DGLUCY: variants seen among roughly 807,000 people sequenced by gnomAD.
DGLUCY encodes the protein D-glutamate cyclase, mitochondrial.
A neutral mutation model predicts 58.5 loss-of-function variants in DGLUCY; 58 were observed. That is an observed-to-expected ratio of 0.99 (90% CI 0.80 to 1.23). DGLUCY has a LOEUF of 1.23. Ranked by LOEUF, DGLUCY falls within the 50% of genes most tolerant of loss-of-function variation. DGLUCY has a pLI of 0.00. For synonymous variants in DGLUCY, 325 were observed against 314.1 expected (o/e 1.03, Z -0.37); for missense variants, 779 against 784.7 (o/e 0.99, Z 0.09).
At chr14:91,083,426 G>A (rs2044159906) in intron 1 of DGLUCY, among the ~76,000 whole-genome samples, 1 of 151,816 alleles carries the variant, frequency 6.6e-6, no homozygotes, top group Non-Finnish European at 1.5e-5. Context: ...GGAGGCTGAG[G>A]TGGGAGAATT....
Position 91,092,114 on chromosome 14 carries a change from T to G in DGLUCY, c.-82+31410T>G, listed in dbSNP as rs145023600. Among the ~76,000 whole-genome samples the G allele has an allele frequency of 2.1e-4, 32 of 152,316 alleles. 1 individual carries two copies. The Middle Eastern group carries it at 0.014, about 65-fold the overall frequency. On this transcript the variant is annotated intron_variant, in intron 1 of 4. Transcript: ENST00000521334. The stretch of plus-strand genomic sequence containing the variant: ...ATGCCTATGCTTCAAGCCAGACTCT[T>G]CCTTGGAGCCTTTCCTGATGACTTC...
At position 91,149,671 on chromosome 14, in the gene DGLUCY, G is replaced by A. The variant is rs1437016353; in HGVS notation, c.-81-7968G>A. Among the ~76,000 whole-genome samples, 5 of 152,230 alleles carry A rather than the reference G, an allele frequency of 3.3e-5. No homozygotes were observed. The East Asian group carries it at 9.6e-4, about 29-fold the overall frequency. ...CTGATGGACCCGTTGCAGAAACTCT[G>A]TACTAAATAAGCAAACACGTGTGCT... On this transcript the variant is annotated intron_variant, in intron 1 of 13. Transcript: ENST00000256324.
At chr14:91,077,259 GAGAGAA>G (rs1438257563) in intron 1 of DGLUCY, among the ~76,000 whole-genome samples, 28 of 150,664 alleles carry the variant, frequency 1.9e-4, no homozygotes, top group African/African-American at 5.6e-4. Context: ...AGTGGGGAGA[GAGAGAA>G]AGAGAGAGAG....
At chr14:91,171,020 G>C (rs12433732) in intron 5 of DGLUCY, among the ~76,000 whole-genome samples, 1 of 152,126 alleles carries the variant, frequency 6.6e-6, no homozygotes, top group Non-Finnish European at 1.5e-5. Flanking sequence ...AAGTGTGCCC[G>C]AGCGGTTCTC....
At chr14:91,136,944 G>A (rs1275622272) in intron 1 of DGLUCY, among the ~76,000 whole-genome samples, 1 of 151,914 alleles carries the variant, frequency 6.6e-6, no homozygotes, top group African/African-American at 2.4e-5. Context: ...ACTCTAGCCT[G>A]GGCAACAAAA....
chr14:91,132,515 G>A (rs924072227), intron 1 of DGLUCY, among the ~76,000 whole-genome samples: 60 of 146,742 alleles, frequency 4.1e-4, no homozygotes, highest in Non-Finnish European at 7.2e-4. Flanking sequence ...GTCTTGCTCT[G>A]TCACCCAGGC....
rs1380487766 is a variant in DGLUCY, at chr14:91,196,483, G to A, written c.1295+9G>A. ...GACCCGCAGACACCTAGGTACGTAT[G>A]TCGCATCCCAGTTTAAGTGGCGGAT... On this transcript the variant is annotated intron_variant, in intron 10 of 13. Coordinates refer to ENST00000256324, the MANE Select transcript of DGLUCY (RefSeq NM_001102368.3). The A allele has an allele frequency of 1.8e-5, 29 of 1,611,470 alleles. No individual in the cohort carries two copies. Among genetic ancestry groups the A allele is most frequent in the Non-Finnish European group, 2.4e-5 (28 of 1,177,810 alleles).
At chr14:91,102,759 G>GTGTA (rs1464083332) in intron 1 of DGLUCY, among the ~76,000 whole-genome samples, 2 of 150,410 alleles carry the variant, frequency 1.3e-5, no homozygotes, top group Admixed American at 6.6e-5. Context: ...GTGTGTGTGT[G>GTGTA]TGTGTGTGTG....
chr14:91,204,565 ACTC>A (rs1447599260), intron 11 of DGLUCY, 138 bp from the exon 12 acceptor site: 28 of 1,167,178 alleles, frequency 2.4e-5, no homozygotes, highest in African/African-American at 3.1e-5. Context: ...AAGTACCACA[ACTC>A]CTGGTTGTCT....
intron 8 of DGLUCY, among the ~76,000 whole-genome samples, chr14:91,182,022 C>T (rs2049209477): frequency 1.3e-5 from 2 of 149,698 alleles, no homozygotes; most frequent in South Asian, 2.1e-4. Flanking sequence ...ACTCTGTTGC[C>T]CAGGCTGGAG....
intron 1 of DGLUCY, among the ~76,000 whole-genome samples, chr14:91,129,457 C>T (rs554061735): frequency 5.9e-5 from 9 of 152,012 alleles, no homozygotes; most frequent in South Asian, 4.1e-4. Context: ...ATATGCTAGC[C>T]GGGTATGGTG....
chr14:91,160,440 A>G, intron 3 of DGLUCY, 43 bp downstream of exon 3: 1 of 1,209,112 alleles, frequency 8.3e-7, no homozygotes. Flanking sequence ...AAAAAAAAAA[A>G]AGAAAGTTCC....
chr14:91,174,506 A>C (rs553976504), intron 6 of DGLUCY, among the ~76,000 whole-genome samples: 1 of 152,068 alleles, frequency 6.6e-6, no homozygotes, highest in African/African-American at 2.4e-5. Flanking sequence ...GGGTTTTGCC[A>C]TGTTGGCCAG....
chr14:91,120,425 A>G (rs566038444), intron 1 of DGLUCY, among the ~76,000 whole-genome samples: 1 of 152,210 alleles, frequency 6.6e-6, no homozygotes, highest in East Asian at 1.9e-4. Context: ...GTTTTTTGAG[A>G]TGGAGTTTCA....
intron 3 of DGLUCY, among the ~76,000 whole-genome samples, chr14:91,163,125 G>A (rs1157070379): frequency 6.6e-6 from 1 of 151,518 alleles, no homozygotes; most frequent in Non-Finnish European, 1.5e-5. Context: ...CCAGGTGTGG[G>A]GGCATGCGCC....
chr14:91,165,515 A>G (rs1024018385), intron 3 of DGLUCY, among the ~76,000 whole-genome samples: 3 of 152,228 alleles, frequency 2.0e-5, no homozygotes, highest in African/African-American at 7.2e-5. Context: ...AGAGGAGGCT[A>G]CAGCATGTAA....
At chr14:91,129,270 GA>G (rs2045894864) in intron 1 of DGLUCY, among the ~76,000 whole-genome samples, 1 of 152,084 alleles carries the variant, frequency 6.6e-6, no homozygotes, top group South Asian at 2.1e-4. Context: ...CAGTTTCTTA[GA>G]AGCTTCTATA....
At chr14:91,168,907 T>G (rs2048421725) in intron 4 of DGLUCY, among the ~76,000 whole-genome samples, 1 of 152,036 alleles carries the variant, frequency 6.6e-6, no homozygotes, top group African/African-American at 2.4e-5. Flanking sequence ...GCCAACGCGG[T>G]GAAACGCTGT....
chr14:91,164,045 G>A (rs1165553601), intron 3 of DGLUCY, among the ~76,000 whole-genome samples: 4 of 152,152 alleles, frequency 2.6e-5, no homozygotes, highest in African/African-American at 9.7e-5. Flanking sequence ...CATCTCCCAG[G>A]TTCAAGCGAT....
Sources: allele counts gnomAD v4.1 joint callset (sites outside exome capture counted in the v4.1 genomes callset), GRCh38; gene constraint gnomAD v4.1.1; transcripts MANE v1.5; gene names NCBI Gene and HGNC (gene_info 2026-07-23, HGNC 2026-07-21).